Variants in SCAI observed in about 807,000 individuals in gnomAD.
SCAI encodes the protein suppressor of cancer cell invasion.
A neutral mutation model predicts 92.2 loss-of-function variants in SCAI; 24 were observed. The observed-to-expected ratio is 0.26, with a 90% CI of 0.19 to 0.37. SCAI has a LOEUF of 0.37. Among genes scored for constraint, SCAI ranks in the 10% least tolerant of loss-of-function variants. SCAI has a pLI of 1.00. For synonymous variants in SCAI, 261 were observed against 258.6 expected (o/e 1.01, Z -0.09); for missense variants, 450 against 736.2 (o/e 0.61, Z 4.50).
At chr9:125,071,738 C>A (rs1833982647) in intron 2 of SCAI, among the ~76,000 whole-genome samples, 1 of 151,536 alleles carries the variant, frequency 6.6e-6, no homozygotes, top group Non-Finnish European at 1.5e-5. Context: ...GGAAAAAAGG[C>A]AGGAAAAAAA....
chr9:124,996,416 C>T (rs1241520334), intron 13 of SCAI, among the ~76,000 whole-genome samples: 1 of 152,046 alleles, frequency 6.6e-6, no homozygotes, highest in African/African-American at 2.4e-5. Context: ...ATACTCCTGC[C>T]TCAGTCTCCC....
intron 2 of SCAI, among the ~76,000 whole-genome samples, chr9:125,141,801 C>T (rs969741498): frequency 1.3e-5 from 2 of 152,108 alleles, no homozygotes; most frequent in African/African-American, 4.8e-5. Context: ...CTCTCTGTGT[C>T]GCAGTTCCCT....
chr9:125,094,225 A>T (rs1219054336), intron 2 of SCAI, among the ~76,000 whole-genome samples: 1 of 152,040 alleles, frequency 6.6e-6, no homozygotes, highest in African/African-American at 2.4e-5. Flanking sequence ...GTCTCATATG[A>T]TCTGATCACC....
intron 14 of SCAI, among the ~76,000 whole-genome samples, chr9:124,991,252 T>C (rs1832114730): frequency 7.0e-6 from 1 of 143,808 alleles, no homozygotes; most frequent in Non-Finnish European, 1.5e-5. Context: ...CTCGGGAGGC[T>C]GAGGCAGGAG....
intron 2 of SCAI, among the ~76,000 whole-genome samples, chr9:125,115,037 A>G (rs574788903): frequency 3.9e-5 from 6 of 152,074 alleles, no homozygotes; most frequent in Admixed American, 3.3e-4. Context: ...CTTCCCAAAG[A>G]GCTGGGATTA....
chr9:125,075,588 T>C (rs998574840), intron 2 of SCAI, among the ~76,000 whole-genome samples: 5 of 145,062 alleles, frequency 3.4e-5, no homozygotes, highest in African/African-American at 1.0e-4. Flanking sequence ...TTTTTCGAGA[T>C]GGAGTTTCGC....
At chr9:125,065,553 A>G (rs1406410780) in intron 2 of SCAI, among the ~76,000 whole-genome samples, 1 of 152,234 alleles carries the variant, frequency 6.6e-6, no homozygotes, top group Non-Finnish European at 1.5e-5. Flanking sequence ...CTCTTACAGA[A>G]TAGAGAAGAA....
chr9:125,104,382 G>C lies in SCAI; in HGVS notation c.98+38251C>G, dbSNP rs556979918. Among the ~76,000 whole-genome samples the C allele has an allele frequency of 2.0e-5, 3 of 152,126 alleles. 1 individual carries two copies. In the South Asian group the frequency reaches 6.2e-4, roughly 31 times the overall value. On this transcript the variant is annotated intron_variant, in intron 2 of 17. Transcript: ENST00000336505. Reference sequence around the variant, plus strand: ...CAGAAGAGTCATGAATGAATCCTAAGTCAGTAACACTTTGAGGTTTATAGT... The same window carrying C: ...CAGAAGAGTCATGAATGAATCCTAACTCAGTAACACTTTGAGGTTTATAGT...
At chr9:125,021,289 T>C (rs1243081799) in intron 6 of SCAI, among the ~76,000 whole-genome samples, 1 of 152,168 alleles carries the variant, frequency 6.6e-6, no homozygotes, top group Non-Finnish European at 1.5e-5. Context: ...TTACTTGATG[T>C]TTTTAGACCA....
rs141909060 is a variant in SCAI, at chr9:125,101,072, C to T, written c.98+41561G>A. Among the ~76,000 whole-genome samples, 31 of 152,188 alleles carry T rather than the reference C, an allele frequency of 2.0e-4. No individual in the cohort carries two copies. The East Asian group carries it at 5.8e-3, about 28-fold the overall frequency. On this transcript the variant is annotated intron_variant, in intron 2 of 17. Transcript: ENST00000336505. ...AGACCCCATCTCTTAACAACAACAACAACAACAAACCCAACTGAGACTGAA... is the reference window on the plus strand; with the variant it reads ...AGACCCCATCTCTTAACAACAACAATAACAACAAACCCAACTGAGACTGAA...
chr9:125,120,817 G>C (rs1046623245), intron 2 of SCAI, among the ~76,000 whole-genome samples: 3 of 151,944 alleles, frequency 2.0e-5, no homozygotes, highest in Non-Finnish European at 4.4e-5. Context: ...AGGAGGTAGA[G>C]GCTGCAGTGT....
At position 124,968,433 on chromosome 9, in the gene SCAI, C is replaced by G. The variant is rs143630317; in HGVS notation, c.1674+2937G>C. The G allele has an allele frequency of 1.4e-5, 15 of 1,080,474 alleles. No homozygotes were observed. In the East Asian group the frequency reaches 3.6e-4, roughly 26 times the overall value. 66.9% of individuals were successfully genotyped at this position (1,080,474 alleles called of 1,614,324 possible). On this transcript the variant is annotated intron_variant, in intron 17 of 17. Transcript: ENST00000336505. Reference sequence around the variant, plus strand: ...CCAGTTTTTCTCAGTCCAGTCATAACGCTTGAGTCCACTGGATGGAGAAGA... The same window carrying G: ...CCAGTTTTTCTCAGTCCAGTCATAAGGCTTGAGTCCACTGGATGGAGAAGA...
rs541177447 is a variant in SCAI, at chr9:125,024,435, C to A, written c.512+2377G>T. 1.2e-3 allele frequency among the ~76,000 whole-genome samples: 177 copies of A among 152,050 alleles called. 1 individual carries two copies. The highest frequency in any genetic ancestry group is 1.2e-3 in the Non-Finnish European group (82 of 67,982). ...GGACTACAGGCGCGTGCCACCACGC[C>A]CGGCTAATTTTTTGTATTTTTAGTA... is the stretch of plus-strand genomic sequence containing the variant. On this transcript the variant is annotated intron_variant, in intron 6 of 17. Transcript: ENST00000336505.
intron 2 of SCAI, among the ~76,000 whole-genome samples, chr9:125,067,236 G>A (rs923579565): frequency 3.9e-5 from 6 of 152,198 alleles, no homozygotes; most frequent in African/African-American, 9.7e-5. Flanking sequence ...TAAAAGATAT[G>A]TTGAAGTCCT....
At chr9:125,093,863 C>T (rs1245746429) in intron 2 of SCAI, among the ~76,000 whole-genome samples, 1 of 151,618 alleles carries the variant, frequency 6.6e-6, no homozygotes, top group African/African-American at 2.4e-5. Context: ...CGTGCCCGGC[C>T]GACACCTACG....
chr9:124,983,050 G>A (rs908251412), intron 14 of SCAI, among the ~76,000 whole-genome samples: 14 of 151,740 alleles, frequency 9.2e-5, no homozygotes, highest in Admixed American at 6.6e-4. Flanking sequence ...TACTCGGGAG[G>A]CTGACATAGG....
intron 2 of SCAI, among the ~76,000 whole-genome samples, chr9:125,119,438 T>TA (rs966937722): frequency 1.3e-5 from 2 of 151,854 alleles, no homozygotes; most frequent in South Asian, 2.1e-4. Flanking sequence ...GCTCTTTAGT[T>TA]AAAAAAAATA....
chr9:125,049,562 T>C (rs1476643048), intron 3 of SCAI, among the ~76,000 whole-genome samples: 1 of 152,224 alleles, frequency 6.6e-6, no homozygotes, highest in Non-Finnish European at 1.5e-5. Flanking sequence ...CCAATTCTTA[T>C]TTTTCTGGAT....
chr9:125,055,119 G>A (rs1260431843), intron 3 of SCAI, among the ~76,000 whole-genome samples: 1 of 152,126 alleles, frequency 6.6e-6, no homozygotes, highest in African/African-American at 2.4e-5. Flanking sequence ...ATTGTAAAAT[G>A]TAAGATAAAA....
Sources: gnomAD v4.1 joint callset for allele counts (sites outside exome capture counted in the v4.1 genomes callset) on GRCh38, gnomAD v4.1.1 for gene constraint, MANE v1.5 for transcripts, NCBI Gene and HGNC (gene_info 2026-07-23, HGNC 2026-07-21) for gene names.